Variants in LAMA4 observed in about 807,000 individuals in gnomAD.
LAMA4 encodes laminin subunit alpha 4, also known as laminin subunit alpha-4.
LAMA4 carries 127 observed loss-of-function variants against 207.1 expected under a neutral mutation model. The observed-to-expected ratio is 0.61, with a 90% confidence interval of 0.53 to 0.71. The LOEUF (loss-of-function observed/expected upper bound fraction) is 0.71. LAMA4 is among the 30% of genes least tolerant of loss of function. The probability of loss-of-function intolerance (pLI) is 0.00; values close to 1 mark genes in which losing one functional copy is unlikely to be tolerated. For missense variants in LAMA4, 2,093 were observed against 2,246.5 expected (o/e 0.93, Z 1.38); for synonymous variants, 761 against 816.0 (o/e 0.93, Z 1.15).
At chr6:112,236,741 AC>A (rs1367791411) in intron 2 of LAMA4, 15 of 152,172 alleles carry the variant, frequency 9.9e-5, no homozygotes, top group African/African-American at 3.6e-4. Context: ...CGCATGGAAA[AC>A]TAAAGTTTTT....
chr6:112,178,077 G>A, intron 10 of LAMA4, 44 bp downstream of exon 10: 2 of 1,324,926 alleles, frequency 1.5e-6, no homozygotes, highest in Non-Finnish European at 1.1e-6. Flanking sequence ...AATAACATAA[G>A]TGTTTCCTTG....
chr6:112,211,943 A>T (rs1554356797), intron 3 of LAMA4, among the ~76,000 whole-genome samples: 1 of 152,092 alleles, frequency 6.6e-6, no homozygotes. Context: ...GGGATGGATG[A>T]TGAGTTGTTG....
intron 2 of LAMA4, among the ~76,000 whole-genome samples, chr6:112,246,640 C>G (rs144990482): frequency 0.015 from 2,322 of 152,028 alleles, 16 homozygotes; most frequent in Non-Finnish European, 0.021. Flanking sequence ...CTGCTTCAGC[C>G]TCCCAAGTAG....
intron 11 of LAMA4, 126 bp downstream of exon 11, chr6:112,175,187 C>T (rs1781947768): frequency 1.1e-6 from 1 of 937,266 alleles, no homozygotes; most frequent in Non-Finnish European, 1.7e-6. Flanking sequence ...CATGTAGATT[C>T]TAAATAGTTC....
Position 112,140,777 on chromosome 6 carries a change from C to G in LAMA4, c.2959G>C (p.Val987Leu). The G allele has an allele frequency of 6.2e-7, 1 of 1,613,988 alleles. No individual in the cohort carries two copies. Among genetic ancestry groups the G allele is most frequent in the Non-Finnish European group, 8.5e-7 (1 of 1,179,930 alleles). The change falls in exon 22 of 39, where the codon GTG (valine) becomes CTG (leucine). Residue 987 changes from valine (V) to leucine (L), a missense_variant. Around this residue, in one of 3 missense-constraint regions of LAMA4, gnomAD observed 1,704 missense variants for 1,788.4 expected, o/e 0.95. Coordinates refer to ENST00000230538, the MANE Select transcript of LAMA4 (RefSeq NM_001105206.3). ...TGGCTGACCTTGAAGTTGGAAGGCA[C>G]TCCACCAACATAAAACACTGTGTCC... ...PEDTVFYVGGVPSNFKLPTSL... is the reference protein window; with the variant it reads ...PEDTVFYVGGLPSNFKLPTSL...
At chr6:112,177,379 T>C (rs575396709) in intron 10 of LAMA4, among the ~76,000 whole-genome samples, 3 of 152,108 alleles carry the variant, frequency 2.0e-5, no homozygotes, top group East Asian at 1.9e-4. Flanking sequence ...GCCCTTAATA[T>C]ATAGTATAAT....
intron 3 of LAMA4, among the ~76,000 whole-genome samples, chr6:112,211,416 G>A (rs1554356580): frequency 6.6e-6 from 1 of 152,126 alleles, no homozygotes; most frequent in African/African-American, 2.4e-5. Flanking sequence ...TGTTATTTTA[G>A]TAACCTATTC....
chr6:112,117,466 G>A lies in LAMA4; in HGVS notation c.4981+273C>T, dbSNP rs587767227. On this transcript the variant is annotated intron_variant, in intron 35 of 38. Coordinates refer to ENST00000230538, the MANE Select transcript of LAMA4 (RefSeq NM_001105206.3). The surrounding 1 kb of genome is among the most constrained non-coding windows in gnomAD (Gnocchi z 4.5). Reference sequence around the variant, plus strand: ...CAAAAACTGACATGGATCAGGCCACGGAGCAGCATAGACATTCTAAAGGAG... The same window carrying A: ...CAAAAACTGACATGGATCAGGCCACAGAGCAGCATAGACATTCTAAAGGAG... Among the ~76,000 whole-genome samples, 8 of 152,222 alleles carry A rather than the reference G, an allele frequency of 5.3e-5. No homozygotes were observed. The South Asian group carries it at 8.3e-4, about 16-fold the overall frequency.
chr6:112,244,243 C>T (rs971174793), intron 2 of LAMA4, among the ~76,000 whole-genome samples: 2 of 152,202 alleles, frequency 1.3e-5, no homozygotes, highest in Admixed American at 6.5e-5. Flanking sequence ...CCTCTGGTCT[C>T]TGTCACTGCT....
chr6:112,108,797 G>A lies in LAMA4; in HGVS notation c.*640C>T, dbSNP rs1294905970. On this transcript the variant is annotated 3_prime_UTR_variant, in exon 39 of 39. Transcript: ENST00000230538. ...TTTTATTTTTCTTTTAAGGAGATAA[G>A]GAAGGGGAAAAAGTAGTTGATTTCC... 1.3e-5 allele frequency: 2 copies of A among 152,302 alleles called. No homozygotes were observed. The highest frequency in any genetic ancestry group is 2.9e-5 in the Non-Finnish European group (2 of 68,198). 9.4% of individuals were successfully genotyped at this position (152,302 alleles called of 1,614,324 possible). A position where few individuals can be genotyped will look rare whatever the true frequency, so the allele number is the denominator to read the frequency against.
In LAMA4 at chr6:112,141,025, G is replaced by T. The variant is rs939147089; in HGVS notation, c.2814-103C>A. The T allele has an allele frequency of 5.3e-5, 52 of 990,322 alleles. 1 individual carries two copies. The Middle Eastern group carries it at 2.0e-3, about 39-fold the overall frequency. The allele number at this position is 990,322 out of a possible 1,614,324, so 61.3% of individuals were successfully genotyped here. A position where few individuals can be genotyped will look rare whatever the true frequency, so the allele number is the denominator to read the frequency against. On this transcript the variant is annotated intron_variant, in intron 21 of 38. Transcript: ENST00000230538. Reference sequence around the variant, plus strand: ...CCCTCATCACAAAATGGGTAATTTTGTGACACTAATAAGCATTTACAAAAT... The same window carrying T: ...CCCTCATCACAAAATGGGTAATTTTTTGACACTAATAAGCATTTACAAAAT...
intron 2 of LAMA4, among the ~76,000 whole-genome samples, chr6:112,237,345 G>A (rs1296133579): frequency 6.6e-6 from 1 of 152,202 alleles, no homozygotes; most frequent in African/African-American, 2.4e-5. Context: ...CTGCCTAGGA[G>A]GCACTGATTT....
Position 112,211,475 on chromosome 6 carries a change from G to T in LAMA4, c.298-4330C>A, listed in dbSNP as rs146339721. On this transcript the variant is annotated intron_variant, in intron 3 of 38. Transcript: ENST00000230538. ...ATTAAGCAGATATAATAGACAATGA[G>T]CCATATCTGTTATTAAAATGAAGAA... Among the ~76,000 whole-genome samples the T allele has an allele frequency of 3.1e-3, 467 of 152,262 alleles. 2 individuals carry two copies. The highest frequency in any genetic ancestry group is 0.01 in the African/African-American group (431 of 41,548).
At chr6:112,173,560 T>G (rs75213834) in intron 11 of LAMA4, among the ~76,000 whole-genome samples, 1 of 152,174 alleles carries the variant, frequency 6.6e-6, no homozygotes, top group Non-Finnish European at 1.5e-5. Context: ...GAAGTCTTGT[T>G]AAATTCCACA....
At chr6:112,211,173 A>G (rs965966372) in intron 3 of LAMA4, among the ~76,000 whole-genome samples, 2 of 152,100 alleles carry the variant, frequency 1.3e-5, no homozygotes, top group Non-Finnish European at 2.9e-5. Flanking sequence ...CCCAAATATC[A>G]TCCATGCAGC....
chr6:112,254,250 C>T lies in LAMA4; in HGVS notation c.-100G>A, dbSNP rs1159544242. ...GGCGGTGCCTCGCTTATTTTCCCTC[C>T]TCTCCGTGTGCAGTATCCCGAGGTG... On this transcript the variant is annotated 5_prime_UTR_variant, in exon 2 of 39. Coordinates refer to ENST00000230538, the MANE Select transcript of LAMA4 (RefSeq NM_001105206.3). 2 of 1,482,798 alleles carry T rather than the reference C, an allele frequency of 1.3e-6. No individual in the cohort carries two copies. Among genetic ancestry groups the T allele is most frequent in the South Asian group, 1.2e-5 (1 of 84,450 alleles). The allele number at this position is 1,482,798 out of a possible 1,614,324, so 91.9% of individuals were successfully genotyped here.
At chr6:112,200,675 A>G (rs1309005385) in intron 5 of LAMA4, among the ~76,000 whole-genome samples, 1 of 152,256 alleles carries the variant, frequency 6.6e-6, no homozygotes, top group Non-Finnish European at 1.5e-5. Context: ...AATGTGGCAC[A>G]TATACACCAT....
chr6:112,140,525 T>G (rs1554332855), intron 22 of LAMA4, among the ~76,000 whole-genome samples: 2 of 152,194 alleles, frequency 1.3e-5, no homozygotes, highest in Non-Finnish European at 2.9e-5. Context: ...TCAGAATGAA[T>G]GAACTGATCT....
intron 2 of LAMA4, chr6:112,236,131 G>T (rs111694863): frequency 2.0e-5 from 3 of 152,288 alleles, no homozygotes; most frequent in African/African-American, 4.8e-5. Context: ...CAGGAAACTT[G>T]GTTGTGGTTC....
Sources: allele counts gnomAD v4.1 joint callset (sites outside exome capture counted in the v4.1 genomes callset), GRCh38; gene constraint gnomAD v4.1.1; regional missense constraint gnomAD v4.1.1; non-coding constraint Gnocchi (gnomAD v3.1); transcripts MANE v1.5; gene names NCBI Gene and HGNC (gene_info 2026-07-23, HGNC 2026-07-21).